The following PPP2R2B variants were observed in gnomAD, a reference collection of about 807,000 sequenced individuals.
PPP2R2B encodes serine/threonine-protein phosphatase 2A 55 kDa regulatory subunit B beta isoform.
A neutral mutation model predicts 46.0 loss-of-function variants in PPP2R2B; 5 were observed. The ratio of observed to expected loss-of-function variants is 0.11; its 90% CI spans 0.06 to 0.23. The LOEUF is 0.23. Ranked by LOEUF, PPP2R2B falls within the 10% of genes least tolerant of loss-of-function variation. The pLI, the probability that PPP2R2B is intolerant of heterozygous loss-of-function variation, is 1.00. For synonymous variants in PPP2R2B, 215 were observed against 206.7 expected (o/e 1.04, Z -0.34); for missense variants, 367 against 575.0 (o/e 0.64, Z 3.70).
At chr5:146,972,559 A>G (rs1187485630) in intron 1 of PPP2R2B, among the ~76,000 whole-genome samples, 1 of 152,038 alleles carries the variant, frequency 6.6e-6, no homozygotes, top group Non-Finnish European at 1.5e-5. Context: ...TAAAAATACA[A>G]AAATTAGCTG....
At chr5:146,906,365 C>T (rs1762996664) in intron 1 of PPP2R2B, among the ~76,000 whole-genome samples, 1 of 151,592 alleles carries the variant, frequency 6.6e-6, no homozygotes, top group South Asian at 2.1e-4. Flanking sequence ...TCTTGTTGCC[C>T]AGGCTGGAGT....
intron 2 of PPP2R2B, among the ~76,000 whole-genome samples, chr5:146,854,313 T>C (rs1760520432): frequency 6.6e-6 from 1 of 152,158 alleles, no homozygotes; most frequent in Non-Finnish European, 1.5e-5. Flanking sequence ...ATATGTTACA[T>C]ATTTATGGGG....
chr5:146,832,364 T>C (rs1345984903), intron 2 of PPP2R2B, among the ~76,000 whole-genome samples: 1 of 147,998 alleles, frequency 6.8e-6, no homozygotes, highest in Non-Finnish European at 1.5e-5. Flanking sequence ...CACAAGTAAG[T>C]GTGCCATTTT....
chr5:146,784,571 G>T (rs1232816137), intron 2 of PPP2R2B, among the ~76,000 whole-genome samples: 1 of 152,000 alleles, frequency 6.6e-6, no homozygotes, highest in Non-Finnish European at 1.5e-5. Context: ...ATTAGAACTG[G>T]AATTCTAAAT....
At chr5:146,843,897 G>C (rs1386694409) in intron 2 of PPP2R2B, among the ~76,000 whole-genome samples, 1 of 151,746 alleles carries the variant, frequency 6.6e-6, no homozygotes, top group East Asian at 1.9e-4. Flanking sequence ...TGTGAATAGT[G>C]CCGCAATAAA....
chr5:146,673,220 G>A (rs1282124627), intron 5 of PPP2R2B, among the ~76,000 whole-genome samples: 1 of 152,166 alleles, frequency 6.6e-6, no homozygotes, highest in African/African-American at 2.4e-5. Flanking sequence ...ATGGCACATT[G>A]TTTTTCCAGA....
intron 2 of PPP2R2B, among the ~76,000 whole-genome samples, chr5:146,817,843 T>C (rs1758022309): frequency 6.6e-6 from 1 of 152,216 alleles, no homozygotes; most frequent in African/African-American, 2.4e-5. Flanking sequence ...TTCATAACAA[T>C]TTATTCTGAT....
At chr5:146,908,702 A>C (rs939652086) in intron 1 of PPP2R2B, among the ~76,000 whole-genome samples, 1 of 152,144 alleles carries the variant, frequency 6.6e-6, no homozygotes, top group African/African-American at 2.4e-5. Context: ...GCCCTACACT[A>C]GTCAGTGTCA....
At chr5:146,877,420 C>A (rs1055734521) in intron 2 of PPP2R2B, among the ~76,000 whole-genome samples, 5 of 152,324 alleles carry the variant, frequency 3.3e-5, no homozygotes, top group African/African-American at 9.6e-5. Context: ...TCATTCGCTG[C>A]CCGCCAGAGC....
intron 2 of PPP2R2B, among the ~76,000 whole-genome samples, chr5:146,833,887 A>C (rs963171879): frequency 6.6e-6 from 1 of 152,182 alleles, no homozygotes; most frequent in African/African-American, 2.4e-5. Context: ...TTGTTTTCAC[A>C]TAACACTGCA....
chr5:146,793,899 T>C (rs935665809), intron 2 of PPP2R2B, among the ~76,000 whole-genome samples: 4 of 152,194 alleles, frequency 2.6e-5, no homozygotes, highest in African/African-American at 9.7e-5. Flanking sequence ...ACCAGTTTGC[T>C]CAGTGGTCCC....
chr5:146,746,481 A>C (rs1003393797), intron 2 of PPP2R2B, among the ~76,000 whole-genome samples: 1 of 152,200 alleles, frequency 6.6e-6, no homozygotes, highest in Non-Finnish European at 1.5e-5. Context: ...CAAGTGACAT[A>C]TTCCAGAGGA....
chr5:146,583,417 T>C lies in PPP2R2B; in HGVS notation c.*6530A>G, dbSNP rs2150988026. 1 of 152,320 alleles carries C rather than the reference T, an allele frequency of 6.6e-6. No homozygotes were observed. The highest frequency in any genetic ancestry group is 6.5e-5 in the Admixed American group (1 of 15,304). 9.4% of individuals were successfully genotyped at this position (152,320 alleles called of 1,614,324 possible). The stretch of plus-strand genomic sequence containing the variant: ...CAATTTTATGAGATAGATGTCGTTT[T>C]TATCCTTATCTCATAATGAGAAAAT... On this transcript the variant is annotated 3_prime_UTR_variant, in exon 10 of 10. Transcript: ENST00000394411.
At chr5:146,653,265 AT>A (rs1271018188) in intron 5 of PPP2R2B, among the ~76,000 whole-genome samples, 1 of 152,152 alleles carries the variant, frequency 6.6e-6, no homozygotes, top group African/African-American at 2.4e-5. Flanking sequence ...GGTATGATAA[AT>A]GCTCTGAAAG....
intron 2 of PPP2R2B, among the ~76,000 whole-genome samples, chr5:146,727,399 T>C (rs979472806): frequency 1.3e-5 from 2 of 152,148 alleles, no homozygotes; most frequent in Non-Finnish European, 2.9e-5. Context: ...ACATTTACAT[T>C]GTGGATGGAT....
chr5:146,940,029 T>C lies in PPP2R2B; in HGVS notation c.79+115636A>G, dbSNP rs554730708. On this transcript the variant is annotated intron_variant, in intron 1 of 8. Coordinates refer to the PPP2R2B transcript ENST00000336640. ...ACCTACACCTATTTTTTATATAATG[T>C]ATGGCAGTTGTAACCTAAAAGAGTA... 1.7e-3 allele frequency among the ~76,000 whole-genome samples: 258 copies of C among 152,332 alleles called. 1 individual carries two copies. The highest frequency in any genetic ancestry group is 6.1e-3 in the African/African-American group (252 of 41,582).
chr5:146,790,114 G>T (rs189171591), intron 2 of PPP2R2B, among the ~76,000 whole-genome samples: 229 of 152,284 alleles, frequency 1.5e-3, no homozygotes, highest in Middle Eastern at 3.4e-3. Flanking sequence ...ATTGCCCTTC[G>T]GGACTGCTCT....
chr5:146,597,969 T>A (rs1771359033), intron 8 of PPP2R2B, among the ~76,000 whole-genome samples: 1 of 152,138 alleles, frequency 6.6e-6, no homozygotes, highest in South Asian at 2.1e-4. Flanking sequence ...TCTCTAATGG[T>A]CTCTCTCTCT....
chr5:146,941,715 G>A (rs1044545001), intron 1 of PPP2R2B, among the ~76,000 whole-genome samples: 2 of 152,194 alleles, frequency 1.3e-5, no homozygotes, highest in African/African-American at 4.8e-5. Flanking sequence ...TGGCATAGCA[G>A]AATGAAGAGA....
Sources: gnomAD v4.1 joint callset for allele counts (sites outside exome capture counted in the v4.1 genomes callset) on GRCh38, gnomAD v4.1.1 for gene constraint, MANE v1.5 for transcripts, NCBI Gene and HGNC (gene_info 2026-07-23, HGNC 2026-07-21) for gene names.